Variants in NOS1AP observed in about 807,000 individuals in gnomAD.
NOS1AP encodes the protein nitric oxide synthase 1 adaptor protein.
A neutral mutation model predicts 56.2 loss-of-function variants in NOS1AP; 21 were observed. The observed-to-expected ratio is 0.37, with a 90% CI of 0.26 to 0.54. The LOEUF (loss-of-function observed/expected upper bound fraction) is 0.54. Among genes scored for constraint, NOS1AP ranks in the 20% least tolerant of loss-of-function variants. NOS1AP has a pLI of 0.84. For missense variants in NOS1AP, 522 were observed against 657.8 expected (o/e 0.79, Z 2.26); for synonymous variants, 270 against 274.6 (o/e 0.98, Z 0.17).
chr1:162,118,543 A>G (rs1254572955), intron 1 of NOS1AP, among the ~76,000 whole-genome samples: 2 of 152,176 alleles, frequency 1.3e-5, no homozygotes, highest in Non-Finnish European at 2.9e-5. Context: ...CACTGCAGTG[A>G]ACATACAGGC....
chr1:162,356,495 G>A (rs1273732028), intron 7 of NOS1AP, among the ~76,000 whole-genome samples: 1 of 152,174 alleles, frequency 6.6e-6, no homozygotes, highest in African/African-American at 2.4e-5. Context: ...CTCCCAACAA[G>A]GGAGAAGGAA....
Position 162,194,514 on chromosome 1 carries a change from G to C in NOS1AP, c.177+40038G>C, listed in dbSNP as rs139906755. ...TGTGGTTTCTACTTTCCTGCTGGAAGTTCCATGTCTGTGCAAAAGTTTCCT... is the reference window on the plus strand; with the variant it reads ...TGTGGTTTCTACTTTCCTGCTGGAACTTCCATGTCTGTGCAAAAGTTTCCT... On this transcript the variant is annotated intron_variant, in intron 2 of 9. Coordinates refer to ENST00000361897, the MANE Select transcript of NOS1AP (RefSeq NM_014697.3). Among the ~76,000 whole-genome samples, 378 of 152,266 alleles carry C rather than the reference G, an allele frequency of 2.5e-3. 4 individuals carry two copies. The highest frequency in any genetic ancestry group is 8.5e-3 in the African/African-American group (354 of 41,538).
chr1:162,195,749 A>G (rs1010113333), intron 2 of NOS1AP, among the ~76,000 whole-genome samples: 29 of 151,850 alleles, frequency 1.9e-4, no homozygotes, highest in Non-Finnish European at 3.7e-4. Context: ...TTTCTCTTCT[A>G]TGACGCATAC....
intron 1 of NOS1AP, among the ~76,000 whole-genome samples, chr1:162,116,211 T>C (rs1443159751): frequency 1.3e-5 from 2 of 152,218 alleles, no homozygotes; most frequent in African/African-American, 4.8e-5. Flanking sequence ...ATGCAGTCTG[T>C]GTCACCATCG....
chr1:162,147,637 A>G (rs189630595), intron 1 of NOS1AP, among the ~76,000 whole-genome samples: 94 of 152,310 alleles, frequency 6.2e-4, no homozygotes, highest in African/African-American at 2.1e-3. Context: ...TTAACTTAGT[A>G]CTGAGGCTGA....
intron 1 of NOS1AP, among the ~76,000 whole-genome samples, chr1:162,135,621 T>C (rs1017426239): frequency 1.1e-4 from 16 of 152,292 alleles, no homozygotes; most frequent in African/African-American, 3.9e-4. Context: ...AGGTTTGCGT[T>C]GTAATACAAT....
In NOS1AP at chr1:162,119,528, G is replaced by A. The variant is rs76662883; in HGVS notation, c.106-34877G>A. 8.7e-3 allele frequency among the ~76,000 whole-genome samples: 1,324 copies of A among 152,278 alleles called. 12 individuals are homozygous for A. Among genetic ancestry groups the A allele is most frequent in the Non-Finnish European group, 0.014 (974 of 68,016 alleles). On this transcript the variant is annotated intron_variant, in intron 1 of 9. Coordinates refer to ENST00000361897, the MANE Select transcript of NOS1AP (RefSeq NM_014697.3). The stretch of plus-strand genomic sequence containing the variant: ...AAACAAAACAAAACAACAACAAATG[G>A]TAAAATATAAGCAAAGGACTCGTAC...
chr1:162,285,576 C>T (rs1655063554), intron 2 of NOS1AP, among the ~76,000 whole-genome samples: 1 of 150,738 alleles, frequency 6.6e-6, no homozygotes, highest in East Asian at 2.0e-4. Context: ...TGGCTGAGGT[C>T]CTGTCCTACC....
At chr1:162,302,830 C>G in intron 4 of NOS1AP, among the ~76,000 whole-genome samples, 1 of 152,178 alleles carries the variant, frequency 6.6e-6, no homozygotes, top group East Asian at 1.9e-4. Flanking sequence ...ATCTCAATCC[C>G]CACATCCCCA....
intron 2 of NOS1AP, among the ~76,000 whole-genome samples, chr1:162,210,839 T>C (rs772463757): frequency 3.3e-5 from 5 of 152,234 alleles, no homozygotes; most frequent in Non-Finnish European, 5.9e-5. Flanking sequence ...TATTTCTTCA[T>C]CTCTGCTATT....
chr1:162,192,315 T>C (rs1207696486), intron 2 of NOS1AP, among the ~76,000 whole-genome samples: 2 of 152,174 alleles, frequency 1.3e-5, no homozygotes, highest in Non-Finnish European at 2.9e-5. Flanking sequence ...AGTGTGAAAG[T>C]TGCTACTCTG....
chr1:162,157,159 T>C (rs1264805349), intron 2 of NOS1AP: 1 of 154,404 alleles, frequency 6.5e-6, no homozygotes, highest in Non-Finnish European at 1.5e-5. Context: ...GACCCCAGTC[T>C]CCTTTTCCCT....
intron 6 of NOS1AP, among the ~76,000 whole-genome samples, chr1:162,350,646 A>G (rs1162486001): frequency 6.6e-6 from 1 of 152,258 alleles, no homozygotes; most frequent in African/African-American, 2.4e-5. Flanking sequence ...TTTTTTGAAA[A>G]TAAAACTTTT....
At chr1:162,312,801 C>T (rs927194729) in intron 4 of NOS1AP, among the ~76,000 whole-genome samples, 2 of 151,946 alleles carry the variant, frequency 1.3e-5, no homozygotes, top group Non-Finnish European at 2.9e-5. Context: ...TGGGCTTCAT[C>T]CCTGGGATGC....
At chr1:162,207,944 T>C (rs941919967) in intron 2 of NOS1AP, among the ~76,000 whole-genome samples, 62 of 152,354 alleles carry the variant, frequency 4.1e-4, no homozygotes, top group African/African-American at 1.4e-3. Flanking sequence ...AATTTTATTG[T>C]CTTTTTCTAA....
intron 8 of NOS1AP, chr1:162,364,032 G>A (rs1657983830): frequency 3.0e-6 from 3 of 985,326 alleles, no homozygotes; most frequent in South Asian, 9.4e-5. Flanking sequence ...GTTGCTGGGA[G>A]GGGCACACCC....
At chr1:162,320,591 C>T (rs1237271087) in intron 4 of NOS1AP, among the ~76,000 whole-genome samples, 1 of 152,128 alleles carries the variant, frequency 6.6e-6, no homozygotes, top group Non-Finnish European at 1.5e-5. Context: ...AGCGGTGGCT[C>T]ACGCCTGTAA....
At chr1:162,159,137 G>A (rs1650092151) in intron 2 of NOS1AP, among the ~76,000 whole-genome samples, 1 of 152,138 alleles carries the variant, frequency 6.6e-6, no homozygotes, top group Non-Finnish European at 1.5e-5. Context: ...GCAGCCAGAT[G>A]TTTGGTATGA....
intron 6 of NOS1AP, among the ~76,000 whole-genome samples, chr1:162,351,746 G>A (rs1400912906): frequency 4.6e-5 from 7 of 152,076 alleles, no homozygotes; most frequent in Admixed American, 2.0e-4. Flanking sequence ...CCCGACCTAC[G>A]ACCTTACCTC....
Sources: allele counts gnomAD v4.1 joint callset (sites outside exome capture counted in the v4.1 genomes callset), GRCh38; gene constraint gnomAD v4.1.1; transcripts MANE v1.5; gene names NCBI Gene and HGNC (gene_info 2026-07-23, HGNC 2026-07-21).